The following POGZ variants were observed in gnomAD, a reference collection of about 807,000 sequenced individuals.
POGZ encodes pogo transposable element with ZNF domain.
Under a neutral mutation model 134.6 loss-of-function variants are expected in POGZ, and 17 were observed. The ratio of observed to expected loss-of-function variants is 0.13; its 90% CI spans 0.09 to 0.19. The LOEUF is 0.19. Ranked by LOEUF, POGZ falls within the 10% of genes least tolerant of loss-of-function variation. The probability of loss-of-function intolerance (pLI) is 1.00; values close to 1 mark genes in which losing one functional copy is unlikely to be tolerated. For missense variants in POGZ, 1,306 were observed against 1,769.7 expected (o/e 0.74, Z 4.70); for synonymous variants, 693 against 657.1 (o/e 1.05, Z -0.84).
intron 3 of POGZ, among the ~76,000 whole-genome samples, chr1:151,433,779 A>C (rs931538576): frequency 6.6e-6 from 1 of 152,198 alleles, no homozygotes; most frequent in Admixed American, 6.6e-5. Flanking sequence ...GATTTCTGCA[A>C]TCTTTGCTCA....
rs924012153 is a variant in POGZ, at chr1:151,459,402, G to T, written c.-252C>A. The T allele has an allele frequency of 6.6e-6, 1 of 151,652 alleles. No individual in the cohort carries two copies. Among genetic ancestry groups the T allele is most frequent in the Admixed American group, 6.6e-5 (1 of 15,252 alleles). The allele number at this position is 151,652 out of a possible 1,614,324, so 9.4% of individuals were successfully genotyped here. On this transcript the variant is annotated 5_prime_UTR_variant, in exon 1 of 19. Transcript: ENST00000271715. ...GGGGCCCCGAGGGAGGGGGGTGGGG[G>T]GGCCAAGGAATGCGGCTCCGTGTAC...
chr1:151,432,072 G>A (rs1307430604), intron 3 of POGZ, among the ~76,000 whole-genome samples: 1 of 152,180 alleles, frequency 6.6e-6, no homozygotes, highest in Non-Finnish European at 1.5e-5. Flanking sequence ...GGGAAGCTGA[G>A]GCAGGAGAAT....
intron 7 of POGZ, chr1:151,426,523 T>A (rs1408591809): frequency 1.3e-5 from 2 of 151,938 alleles, no homozygotes; most frequent in African/African-American, 2.4e-5. Context: ...TGTTTGGGAG[T>A]TTTTTTGTTG....
In POGZ at chr1:151,442,142, G is replaced by C; in HGVS notation, c.63C>G (p.Ile21Met). The C allele has an allele frequency of 6.2e-7, 1 of 1,611,022 alleles. No individual in the cohort carries two copies. ...EEEELEPWQK[I>M]SDVIEDSVVE... ...CTACAGAGTCCTCAATGACATCACT[G>C]ATTTTCTGCCATGGCTCCAACTCCT... The change falls in exon 2 of 19, where the codon ATC becomes ATG. Residue 21 changes from isoleucine (I) to methionine (M), a missense_variant. Physicochemically the swap from Ile to Met is conservative, Grantham distance 10. Coordinates refer to ENST00000271715, the MANE Select transcript of POGZ (RefSeq NM_015100.4).
chr1:151,458,843 G>A (rs1424054847), intron 1 of POGZ, among the ~76,000 whole-genome samples: 1 of 145,524 alleles, frequency 6.9e-6, no homozygotes, highest in African/African-American at 2.5e-5. Context: ...GCGCCGGGGG[G>A]CGGGGGCGGC....
chr1:151,410,259 T>C (rs1443967325), intron 12 of POGZ, among the ~76,000 whole-genome samples: 1 of 152,180 alleles, frequency 6.6e-6, no homozygotes, highest in Non-Finnish European at 1.5e-5. Flanking sequence ...CTACCCTGGG[T>C]CCTCCCTTTT....
chr1:151,442,710 C>CAA (rs1277790279), intron 1 of POGZ, among the ~76,000 whole-genome samples: 1,268 of 98,984 alleles, frequency 0.013, 28 homozygotes, highest in South Asian at 0.016. Context: ...GACTCTGTCT[C>CAA]AAAAAAAAAA....
intron 10 of POGZ, among the ~76,000 whole-genome samples, chr1:151,416,448 G>C (rs1655711477): frequency 6.6e-6 from 1 of 151,950 alleles, no homozygotes; most frequent in Admixed American, 6.6e-5. Flanking sequence ...GTTGCACTGA[G>C]CTGTGATTGC....
chr1:151,410,716 T>C (rs1039878714), intron 12 of POGZ, among the ~76,000 whole-genome samples: 1 of 152,198 alleles, frequency 6.6e-6, no homozygotes, highest in Non-Finnish European at 1.5e-5. Flanking sequence ...ACAGCTACAC[T>C]TGACATCCAC....
intron 1 of POGZ, among the ~76,000 whole-genome samples, chr1:151,450,101 G>A (rs1157035280): frequency 2.9e-5 from 4 of 138,688 alleles, no homozygotes; most frequent in Middle Eastern, 8.2e-3. Flanking sequence ...GCACGATCTC[G>A]GCTCACTGCA....
chr1:151,408,562 C>T lies in POGZ; in HGVS notation c.2081G>A (p.Arg694Gln), dbSNP rs1221366994. 3.1e-6 allele frequency: 5 copies of T among 1,610,298 alleles called. No homozygotes were observed. Among genetic ancestry groups the T allele is most frequent in the Non-Finnish European group, 4.2e-6 (5 of 1,179,106 alleles). ...PGTKVTIRASRGQPRTVPVSS... is the reference protein window; with the variant it reads ...PGTKVTIRASQGQPRTVPVSS... Reference sequence around the variant, plus strand: ...TACAGGAACAGTTCGTGGCTGCCCTCGGGAAGCCCGGATTGTCACCTGAGA... The same window carrying T: ...TACAGGAACAGTTCGTGGCTGCCCTTGGGAAGCCCGGATTGTCACCTGAGA... Residue 694 changes from arginine (R) to glutamine (Q), a missense_variant, in exon 14 of 19, where the codon CGA becomes CAA. By Grantham distance (43) the Arg-to-Gln change is conservative (BLOSUM62 1). This residue lies in a region of POGZ where 149 missense variants were observed against 237.5 expected (regional missense o/e 0.63). Coordinates refer to ENST00000271715, the MANE Select transcript of POGZ (RefSeq NM_015100.4).
At chr1:151,407,184 T>C in intron 16 of POGZ, 51 bp downstream of exon 16, 1 of 1,403,136 alleles carries the variant, frequency 7.1e-7, no homozygotes, top group Non-Finnish European at 9.9e-7. Flanking sequence ...AACCTGAAAA[T>C]TAATGTAAAA....
At chr1:151,411,912 C>A in intron 11 of POGZ, 141 bp from the exon 12 acceptor site, 2 of 644,286 alleles carry the variant, frequency 3.1e-6, no homozygotes, top group Non-Finnish European at 5.1e-6. Context: ...ATTTTCCTGA[C>A]TTTGTAATGC....
chr1:151,446,905 T>C (rs1468135710), intron 1 of POGZ, among the ~76,000 whole-genome samples: 3 of 152,218 alleles, frequency 2.0e-5, no homozygotes. Context: ...GATACAAATT[T>C]TAATTGAATA....
chr1:151,440,544 G>A (rs976826354), intron 3 of POGZ, among the ~76,000 whole-genome samples: 1 of 152,036 alleles, frequency 6.6e-6, no homozygotes, highest in African/African-American at 2.4e-5. Flanking sequence ...AAATGAATCT[G>A]CCAGAGAAAA....
intron 3 of POGZ, among the ~76,000 whole-genome samples, chr1:151,437,935 G>A (rs1470605592): frequency 3.3e-5 from 5 of 152,110 alleles, no homozygotes; most frequent in East Asian, 1.9e-4. Context: ...TAGGCTGGGC[G>A]CAGTAGCTCA....
chr1:151,459,233 G>C lies in POGZ; in HGVS notation c.-83C>G, dbSNP rs1032889337. The C allele has an allele frequency of 1.3e-5, 2 of 151,998 alleles. No homozygotes were observed. Among genetic ancestry groups the C allele is most frequent in the Admixed American group, 6.6e-5 (1 of 15,266 alleles). 9.4% of individuals were successfully genotyped at this position (151,998 alleles called of 1,614,324 possible). On this transcript the variant is annotated 5_prime_UTR_variant, in exon 1 of 19. Coordinates refer to ENST00000271715, the MANE Select transcript of POGZ (RefSeq NM_015100.4). ...GGGACCTTACACCCGGCGCCAGAAG[G>C]GGGTGGGAGCAGGGGGAGGGGACGG...
chr1:151,458,704 T>G (rs1475377970), intron 1 of POGZ, among the ~76,000 whole-genome samples: 4 of 138,344 alleles, frequency 2.9e-5, no homozygotes, highest in Admixed American at 7.1e-5. Flanking sequence ...CCCCGCCCCT[T>G]CCCCAGCGGG....
At chr1:151,456,006 G>A (rs1412703342) in intron 1 of POGZ, among the ~76,000 whole-genome samples, 1 of 150,224 alleles carries the variant, frequency 6.7e-6, no homozygotes, top group African/African-American at 2.5e-5. Flanking sequence ...GCCTCCCAAA[G>A]TGCTGGGATT....
Sources: allele counts gnomAD v4.1 joint callset (sites outside exome capture counted in the v4.1 genomes callset), GRCh38; gene constraint gnomAD v4.1.1; regional missense constraint gnomAD v4.1.1; transcripts MANE v1.5; gene names NCBI Gene and HGNC (gene_info 2026-07-23, HGNC 2026-07-21).